Variants in ABCA13 observed in about 807,000 individuals in gnomAD.
ABCA13 encodes ATP binding cassette subfamily A member 13.
In ABCA13, 476 loss-of-function variants were observed where a neutral mutation model predicts 478.7. That is an observed-to-expected ratio of 0.99 (90% CI 0.92 to 1.07). The LOEUF is 1.07. ABCA13 is among the 50% of genes least tolerant of loss of function. The pLI is 0.00. For synonymous variants in ABCA13, 2,252 were observed against 2,158.9 expected (o/e 1.04, Z -1.20); for missense variants, 6,060 against 5,910.6 (o/e 1.03, Z -0.83).
chr7:48,490,113 T>C (rs1199361080), intron 48 of ABCA13, among the ~76,000 whole-genome samples: 1 of 152,186 alleles, frequency 6.6e-6, no homozygotes, highest in Non-Finnish European at 1.5e-5. Flanking sequence ...TTATTTTTCC[T>C]TCTACACCAG....
chr7:48,280,335 C>T (rs1309620681), intron 18 of ABCA13, among the ~76,000 whole-genome samples: 1 of 152,208 alleles, frequency 6.6e-6, no homozygotes, highest in Non-Finnish European at 1.5e-5. Flanking sequence ...TGTAGCTAAC[C>T]ACAGGAAAGG....
At chr7:48,412,316 C>A (rs1442778567) in intron 40 of ABCA13, 37 bp from the exon 41 acceptor site, 4 of 1,514,028 alleles carry the variant, frequency 2.6e-6, no homozygotes, top group Non-Finnish European at 3.6e-6. Flanking sequence ...GATTAACATT[C>A]CTTACTGGCT....
intron 7 of ABCA13, among the ~76,000 whole-genome samples, chr7:48,230,390 C>T (rs1788867917): frequency 6.6e-6 from 1 of 152,186 alleles, no homozygotes; most frequent in South Asian, 2.1e-4. Flanking sequence ...ATAAGCAGCC[C>T]TACCACAGGG....
intron 50 of ABCA13, among the ~76,000 whole-genome samples, chr7:48,508,677 G>C (rs1315622242): frequency 6.6e-6 from 1 of 152,126 alleles, no homozygotes; most frequent in African/African-American, 2.4e-5. Context: ...TTATTTTGTA[G>C]GAAAGTGATA....
At chr7:48,435,532 C>G (rs1236477536) in intron 42 of ABCA13, among the ~76,000 whole-genome samples, 1 of 151,740 alleles carries the variant, frequency 6.6e-6, no homozygotes, top group Non-Finnish European at 1.5e-5. Flanking sequence ...ATTGAGCTGG[C>G]TAGGACTTCC....
At chr7:48,355,038 A>T (rs889422647) in intron 31 of ABCA13, among the ~76,000 whole-genome samples, 9 of 152,066 alleles carry the variant, frequency 5.9e-5, no homozygotes, top group African/African-American at 1.9e-4. Context: ...AGTAAAGAAA[A>T]TAGGTGAATC....
chr7:48,214,559 C>T (rs748310977), intron 3 of ABCA13, among the ~76,000 whole-genome samples: 4 of 152,182 alleles, frequency 2.6e-5, no homozygotes, highest in Non-Finnish European at 5.9e-5. Context: ...TAGACACTTA[C>T]ACCAATTATT....
intron 55 of ABCA13, among the ~76,000 whole-genome samples, chr7:48,530,702 C>T (rs1371201198): frequency 6.6e-6 from 1 of 152,000 alleles, no homozygotes; most frequent in Non-Finnish European, 1.5e-5. Flanking sequence ...GAAGTGGTAC[C>T]ACATTGTGTT....
chr7:48,222,221 G>T, intron 5 of ABCA13, among the ~76,000 whole-genome samples: 2 of 151,942 alleles, frequency 1.3e-5, no homozygotes, highest in Non-Finnish European at 2.9e-5. Context: ...CAGGTCAAAA[G>T]GAAAATATGG....
At position 48,297,777 on chromosome 7, in the gene ABCA13, T is replaced by C. The variant is rs920086311; in HGVS notation, c.9199+466T>C. Among the ~76,000 whole-genome samples, 39 of 138,088 alleles carry C rather than the reference T, an allele frequency of 2.8e-4. 1 individual carries two copies. The highest frequency in any genetic ancestry group is 1.0e-3 in the African/African-American group (34 of 32,442). The allele number at this position is 138,088 out of a possible 152,430, so 90.6% of individuals were successfully genotyped here. A position where few individuals can be genotyped will look rare whatever the true frequency, so the allele number is the denominator to read the frequency against. ...GCTCCCTAAGAAGAAGCTCTTTCTT[T>C]CTTTCTTTCTTTTTTTTTTTTTGTG... On this transcript the variant is annotated intron_variant, in intron 22 of 61. Coordinates refer to ENST00000435803, the MANE Select transcript of ABCA13 (RefSeq NM_152701.5).
Position 48,455,289 on chromosome 7 carries a change from A to G in ABCA13, c.12815+3A>G. ...CGGGCCGAGACCTACTTTTTCAGGT[A>G]AGTTGTTTTTGTTCCTTTGATTTCG... On this transcript the variant is annotated splice_donor_region_variant and intron_variant, in intron 43 of 61. Transcript: ENST00000435803. 2 of 1,597,586 alleles carry G rather than the reference A, an allele frequency of 1.3e-6. No individual in the cohort carries two copies. The highest frequency in any genetic ancestry group is 1.7e-6 in the Non-Finnish European group (2 of 1,170,394).
chr7:48,509,753 C>G (rs1831514698), intron 50 of ABCA13, among the ~76,000 whole-genome samples: 1 of 152,026 alleles, frequency 6.6e-6, no homozygotes, highest in Admixed American at 6.6e-5. Flanking sequence ...TGATTATGTC[C>G]CCCCAAAATT....
At chr7:48,268,593 A>G (rs900808859) in intron 15 of ABCA13, among the ~76,000 whole-genome samples, 3 of 152,082 alleles carry the variant, frequency 2.0e-5, no homozygotes, top group Non-Finnish European at 4.4e-5. Context: ...CTTCTCTGGC[A>G]CTCTGTCCTG....
At chr7:48,523,943 T>C (rs1370481516) in intron 53 of ABCA13, among the ~76,000 whole-genome samples, 1 of 152,232 alleles carries the variant, frequency 6.6e-6, no homozygotes, top group Non-Finnish European at 1.5e-5. Flanking sequence ...TAAGCTATTT[T>C]AACATTTAGT....
At chr7:48,466,890 C>G (rs1826934496) in intron 43 of ABCA13, 66 bp from the exon 44 acceptor site, 1 of 1,495,480 alleles carries the variant, frequency 6.7e-7, no homozygotes, top group Admixed American at 1.7e-5. Flanking sequence ...GCAGCTGGTT[C>G]TCCATTCTCT....
intron 43 of ABCA13, among the ~76,000 whole-genome samples, chr7:48,466,632 G>A (rs1456089437): frequency 6.6e-6 from 1 of 152,044 alleles, no homozygotes; most frequent in African/African-American, 2.4e-5. Flanking sequence ...TTTAAAATTT[G>A]TTTTTAAAAA....
chr7:48,524,160 T>G, intron 53 of ABCA13, 88 bp from the exon 54 acceptor site: 1 of 1,299,288 alleles, frequency 7.7e-7, no homozygotes, highest in South Asian at 1.5e-5. Flanking sequence ...ATCTTCAATT[T>G]TTTACAAATC....
At position 48,412,344 on chromosome 7, in the gene ABCA13, T is replaced by A. The variant is rs200316491; in HGVS notation, c.12229-9T>A. On this transcript the variant is annotated splice_polypyrimidine_tract_variant and intron_variant, in intron 40 of 61. Transcript: ENST00000435803. ...TACTGGCTTCTTTTTTCCTTTTTTT[T>A]ATGGATAGCCTTCTGTTCTGGAGGC... 22 of 1,601,832 alleles carry A rather than the reference T, an allele frequency of 1.4e-5. No individual in the cohort carries two copies. In the Middle Eastern group the frequency reaches 6.6e-4, roughly 48 times the overall value.
intron 3 of ABCA13, among the ~76,000 whole-genome samples, chr7:48,210,214 G>A (rs1785448553): frequency 6.6e-6 from 1 of 152,138 alleles, no homozygotes; most frequent in African/African-American, 2.4e-5. Context: ...CGGCAGGAGA[G>A]AGAAGCATAG....
Sources: allele counts gnomAD v4.1 joint callset (sites outside exome capture counted in the v4.1 genomes callset), GRCh38; gene constraint gnomAD v4.1.1; transcripts MANE v1.5; gene names NCBI Gene and HGNC (gene_info 2026-07-23, HGNC 2026-07-21).